The following PRKCH variants were observed in gnomAD, a reference collection of about 807,000 sequenced individuals.
PRKCH encodes protein kinase C eta type.
A neutral mutation model predicts 82.5 loss-of-function variants in PRKCH; 28 were observed. The observed-to-expected ratio is 0.34, with a 90% CI of 0.25 to 0.47. PRKCH has a LOEUF of 0.47. PRKCH is among the 20% of genes least tolerant of loss of function. The pLI is 1.00. For synonymous variants in PRKCH, 322 were observed against 327.4 expected (o/e 0.98, Z 0.18); for missense variants, 705 against 881.8 (o/e 0.80, Z 2.54).
At chr14:61,239,357 G>A (rs2044815832) in intron 1 of PRKCH, among the ~76,000 whole-genome samples, 1 of 152,166 alleles carries the variant, frequency 6.6e-6, no homozygotes. Flanking sequence ...GCAACACGCT[G>A]ATTTAATGAG....
At chr14:61,286,166 A>G (rs897879019) in intron 1 of PRKCH, among the ~76,000 whole-genome samples, 1 of 152,244 alleles carries the variant, frequency 6.6e-6, no homozygotes, top group African/African-American at 2.4e-5. Flanking sequence ...ATAGGTTTAT[A>G]CTGCTCAAGA....
intron 1 of PRKCH, among the ~76,000 whole-genome samples, chr14:61,297,557 G>A (rs748231285): frequency 6.6e-6 from 1 of 152,166 alleles, no homozygotes; most frequent in African/African-American, 2.4e-5. Context: ...TTCATGGAAG[G>A]GGAGGAGATG....
intron 1 of PRKCH, among the ~76,000 whole-genome samples, chr14:61,369,944 G>A (rs2046344081): frequency 6.6e-6 from 1 of 151,994 alleles, no homozygotes; most frequent in Admixed American, 6.6e-5. Flanking sequence ...ATGTGTGTAT[G>A]TATGGTTTTT....
At chr14:61,239,503 C>G (rs1566790925) in intron 1 of PRKCH, among the ~76,000 whole-genome samples, 1 of 152,206 alleles carries the variant, frequency 6.6e-6, no homozygotes, top group African/African-American at 2.4e-5. Flanking sequence ...GATGGCCTCT[C>G]TCTCCCTCTT....
intron 12 of PRKCH, among the ~76,000 whole-genome samples, chr14:61,535,437 TGGA>T (rs748933988): frequency 2.1e-4 from 32 of 152,220 alleles, no homozygotes; most frequent in Non-Finnish European, 3.5e-4. Flanking sequence ...GGAGGCCATC[TGGA>T]GGAGATGACA....
chr14:61,237,224 CA>C (rs2044797399), intron 1 of PRKCH, among the ~76,000 whole-genome samples: 2 of 137,324 alleles, frequency 1.5e-5, no homozygotes, highest in South Asian at 4.5e-4. Flanking sequence ...CCCTGGGTGA[CA>C]GAGCAAGACT....
intron 2 of PRKCH, among the ~76,000 whole-genome samples, chr14:61,397,960 A>G (rs1047015763): frequency 3.3e-5 from 5 of 152,192 alleles, no homozygotes; most frequent in Non-Finnish European, 7.4e-5. Flanking sequence ...GAAGTCTCTC[A>G]CAGAGCTCAA....
intron 1 of PRKCH, among the ~76,000 whole-genome samples, chr14:61,272,260 G>A (rs1285041180): frequency 1.3e-5 from 2 of 150,810 alleles, no homozygotes; most frequent in East Asian, 1.9e-4. Flanking sequence ...AAAAACCAAG[G>A]GAAATCACTT....
intron 10 of PRKCH, among the ~76,000 whole-genome samples, chr14:61,511,789 C>T (rs1254214990): frequency 6.6e-6 from 1 of 152,184 alleles, no homozygotes; most frequent in African/African-American, 2.4e-5. Context: ...GATAGCACCA[C>T]CTTTCTAGTC....
At chr14:61,188,741 T>TGTGTGTGTGTGTG (rs1372990543) in intron 1 of PRKCH, among the ~76,000 whole-genome samples, 3 of 49,900 alleles carry the variant, frequency 6.0e-5, no homozygotes, top group African/African-American at 1.1e-4. Context: ...GTGTGTGTGA[T>TGTGTGTGTGTGTG]GGAGTTTTGC....
chr14:61,300,505 C>G (rs2045440601), intron 1 of PRKCH, among the ~76,000 whole-genome samples: 1 of 151,970 alleles, frequency 6.6e-6, no homozygotes, highest in African/African-American at 2.4e-5. Context: ...ATATTTAGAC[C>G]ATCAGAACAC....
intron 1 of PRKCH, among the ~76,000 whole-genome samples, chr14:61,389,548 C>T (rs1566853015): frequency 6.6e-6 from 1 of 151,546 alleles, no homozygotes; most frequent in Non-Finnish European, 1.5e-5. Flanking sequence ...CCTAGATAAG[C>T]AGGCAAGCTG....
chr14:61,512,187 G>A (rs1022111050), intron 10 of PRKCH, among the ~76,000 whole-genome samples: 1 of 151,734 alleles, frequency 6.6e-6, no homozygotes, highest in Admixed American at 6.6e-5. Flanking sequence ...AAGCACTCAG[G>A]GAGCTCTGAG....
intron 1 of PRKCH, among the ~76,000 whole-genome samples, chr14:61,325,924 A>G (rs557044822): frequency 6.6e-6 from 1 of 152,298 alleles, no homozygotes; most frequent in East Asian, 1.9e-4. Flanking sequence ...GTATGTTCCC[A>G]CTAGAAAGGT....
At chr14:61,488,054 G>A (rs1399013371) in intron 10 of PRKCH, among the ~76,000 whole-genome samples, 1 of 152,080 alleles carries the variant, frequency 6.6e-6, no homozygotes, top group African/African-American at 2.4e-5. Flanking sequence ...TCGGGAGGCT[G>A]AGGCAGAAGA....
chr14:61,520,957 C>CA (rs1184962856), intron 10 of PRKCH, among the ~76,000 whole-genome samples: 4 of 152,068 alleles, frequency 2.6e-5, no homozygotes, highest in African/African-American at 9.7e-5. Context: ...TTTGAAGTTG[C>CA]AAAAAATTTA....
Position 61,381,977 on chromosome 14 carries a change from A to T in PRKCH, c.364-9248A>T, listed in dbSNP as rs893269801. Reference sequence around the variant, plus strand: ...TGGCTTGACCTTCGCTGTTTGTGTGACCTCACCCAATTCAGTAACCTCACT... The same window carrying T: ...TGGCTTGACCTTCGCTGTTTGTGTGTCCTCACCCAATTCAGTAACCTCACT... On this transcript the variant is annotated intron_variant, in intron 1 of 13. Coordinates refer to ENST00000332981, the MANE Select transcript of PRKCH (RefSeq NM_006255.5). 5.9e-5 allele frequency among the ~76,000 whole-genome samples: 9 copies of T among 152,190 alleles called. No homozygotes were observed. The South Asian group carries it at 6.2e-4, about 11-fold the overall frequency.
intron 1 of PRKCH, among the ~76,000 whole-genome samples, chr14:61,265,515 G>A (rs1170103441): frequency 6.6e-6 from 1 of 152,048 alleles, no homozygotes; most frequent in African/African-American, 2.4e-5. Context: ...CTTTACAGAG[G>A]AGACACAGAA....
intron 10 of PRKCH, among the ~76,000 whole-genome samples, chr14:61,487,461 G>A (rs768345240): frequency 2.6e-5 from 4 of 152,112 alleles, no homozygotes; most frequent in Admixed American, 1.3e-4. Flanking sequence ...CTTTGTGGAG[G>A]TTGCTGGTAT....
Sources: gnomAD v4.1 joint callset for allele counts (sites outside exome capture counted in the v4.1 genomes callset) on GRCh38, gnomAD v4.1.1 for gene constraint, MANE v1.5 for transcripts, NCBI Gene and HGNC (gene_info 2026-07-23, HGNC 2026-07-21) for gene names.